The following TAB2 variants were observed in gnomAD, a reference collection of about 807,000 sequenced individuals.
The protein encoded by TAB2 is TGF-beta activated kinase 1 (MAP3K7) binding protein 2.
TAB2 carries 3 observed loss-of-function variants against 65.0 expected under a neutral mutation model. The ratio of observed to expected loss-of-function variants is 0.05; its 90% CI spans 0.02 to 0.12. The LOEUF (loss-of-function observed/expected upper bound fraction) is 0.12. Among genes scored for constraint, TAB2 ranks in the 10% least tolerant of loss-of-function variants. TAB2 has a pLI of 1.00. For synonymous variants in TAB2, 298 were observed against 285.1 expected (o/e 1.05, Z -0.46); for missense variants, 623 against 840.3 (o/e 0.74, Z 3.20).
intron 1 of TAB2, among the ~76,000 whole-genome samples, chr6:149,270,772 G>A (rs959487258): frequency 3.3e-5 from 5 of 152,160 alleles, no homozygotes; most frequent in Admixed American, 2.0e-4. Context: ...CCTCTCCGAC[G>A]TACACATGGT....
chr6:149,316,234 C>G (rs1249869747), upstream of TAB2, among the ~76,000 whole-genome samples: 1 of 152,026 alleles, frequency 6.6e-6, no homozygotes, highest in Non-Finnish European at 1.5e-5. Flanking sequence ...AATTAAATTC[C>G]GATATTGTAA....
At chr6:149,409,305 A>G (rs1782765115) in intron 6 of TAB2, among the ~76,000 whole-genome samples, 1 of 152,168 alleles carries the variant, frequency 6.6e-6, no homozygotes, top group African/African-American at 2.4e-5. Context: ...GATACCCTTT[A>G]TTCTACTATA....
At chr6:149,278,243 T>C (rs1355107704) in intron 1 of TAB2, among the ~76,000 whole-genome samples, 1 of 152,226 alleles carries the variant, frequency 6.6e-6, no homozygotes, top group Non-Finnish European at 1.5e-5. Flanking sequence ...AAATATGAAC[T>C]CTTCTTCCAT....
chr6:149,219,265 A>G (rs1305312458), intron 1 of TAB2, among the ~76,000 whole-genome samples: 1 of 151,840 alleles, frequency 6.6e-6, no homozygotes, highest in Non-Finnish European at 1.5e-5. Flanking sequence ...ATCCGCTTCC[A>G]GGGTTAACTT....
At chr6:149,229,393 C>CGTGTGT (rs10553494) in intron 1 of TAB2, among the ~76,000 whole-genome samples, 117 of 149,186 alleles carry the variant, frequency 7.8e-4, no homozygotes, top group South Asian at 2.8e-3. Context: ...CCTTTAAAGA[C>CGTGTGT]GTGTGTGTGT....
chr6:149,232,346 GC>G (rs999170151), intron 1 of TAB2, among the ~76,000 whole-genome samples: 1 of 152,022 alleles, frequency 6.6e-6, no homozygotes. Context: ...TCCTACCTCA[GC>G]CCCCCAAGTA....
chr6:149,308,979 T>C (rs1027605249), intron 1 of TAB2, among the ~76,000 whole-genome samples: 1 of 151,810 alleles, frequency 6.6e-6, no homozygotes, highest in Non-Finnish European at 1.5e-5. Flanking sequence ...ACCGTATACA[T>C]AGCCAGCCTC....
In TAB2 at chr6:149,360,726, A is replaced by G. The variant is rs960908521; in HGVS notation, c.-89-9183A>G. 6.6e-5 allele frequency among the ~76,000 whole-genome samples: 10 copies of G among 152,334 alleles called. No homozygotes were observed. In the South Asian group the frequency reaches 1.9e-3, roughly 28 times the overall value. On this transcript the variant is annotated intron_variant, in intron 1 of 6. Transcript: ENST00000637181. ...GTTTCAGCTCATTTCAGCGTCACTC[A>G]AAAGTCCAAAGTATCATCTGAGTTA...
At chr6:149,321,883 C>G (rs1362809701) in intron 1 of TAB2, among the ~76,000 whole-genome samples, 1 of 151,948 alleles carries the variant, frequency 6.6e-6, no homozygotes, top group South Asian at 2.1e-4. Context: ...TTACATACAC[C>G]CCCTTACCTT....
At chr6:149,319,222 A>C (rs1402786016) in intron 1 of TAB2, among the ~76,000 whole-genome samples, 1 of 152,224 alleles carries the variant, frequency 6.6e-6, no homozygotes, top group African/African-American at 2.4e-5. Context: ...CGGGAATTTT[A>C]GTGGGCATGG....
chr6:149,219,268 G>T (rs889202266), intron 1 of TAB2, among the ~76,000 whole-genome samples: 1 of 151,638 alleles, frequency 6.6e-6, no homozygotes, highest in Non-Finnish European at 1.5e-5. Flanking sequence ...CGCTTCCAGG[G>T]TTAACTTTTG....
chr6:149,332,327 T>A (rs1378047377), intron 1 of TAB2, among the ~76,000 whole-genome samples: 1 of 152,166 alleles, frequency 6.6e-6, no homozygotes, highest in African/African-American at 2.4e-5. Flanking sequence ...ATAGTGGTAT[T>A]TGTTTAAAAC....
At chr6:149,346,659 G>A (rs1374593358) in intron 1 of TAB2, 1 of 151,786 alleles carries the variant, frequency 6.6e-6, no homozygotes, top group Non-Finnish European at 1.5e-5. Flanking sequence ...TCACCATATT[G>A]GTCAGGCTGG....
At chr6:149,324,119 A>C (rs1779530648) in intron 1 of TAB2, among the ~76,000 whole-genome samples, 1 of 152,158 alleles carries the variant, frequency 6.6e-6, no homozygotes, top group African/African-American at 2.4e-5. Flanking sequence ...ACTTAAGAAG[A>C]AAAACAAAAA....
intron 2 of TAB2, among the ~76,000 whole-genome samples, chr6:149,371,674 A>G (rs572914248): frequency 1.3e-5 from 2 of 152,350 alleles, no homozygotes; most frequent in Admixed American, 6.5e-5. Flanking sequence ...AAATTTGACA[A>G]TGTAGATAAA....
chr6:149,335,165 C>T (rs1779895558), intron 1 of TAB2, among the ~76,000 whole-genome samples: 1 of 151,990 alleles, frequency 6.6e-6, no homozygotes, highest in African/African-American at 2.4e-5. Flanking sequence ...TTCCTACCCA[C>T]ATTCTCATTA....
chr6:149,234,312 A>G (rs1277432342), intron 1 of TAB2, among the ~76,000 whole-genome samples: 1 of 152,212 alleles, frequency 6.6e-6, no homozygotes, highest in African/African-American at 2.4e-5. Context: ...TTAAATCAGA[A>G]TGTTGAAACC....
chr6:149,317,106 C>G (rs1779274610), upstream of TAB2, among the ~76,000 whole-genome samples: 1 of 151,422 alleles, frequency 6.6e-6, no homozygotes, highest in Admixed American at 6.6e-5. The surrounding 1 kb of genome is among the most constrained non-coding windows in gnomAD (Gnocchi z 4.7). Context: ...CCGCCACCCA[C>G]TTCCGGACCC....
chr6:149,393,489 ATG>A (rs1433326576), intron 3 of TAB2, among the ~76,000 whole-genome samples: 1 of 152,166 alleles, frequency 6.6e-6, no homozygotes, highest in Admixed American at 6.5e-5. Context: ...TCACAACCAT[ATG>A]TGTAGCAACT....
Sources: allele counts gnomAD v4.1 joint callset (sites outside exome capture counted in the v4.1 genomes callset), GRCh38; gene constraint gnomAD v4.1.1; non-coding constraint Gnocchi (gnomAD v3.1); transcripts MANE v1.5; gene names NCBI Gene and HGNC (gene_info 2026-07-23, HGNC 2026-07-21).